Variants in SRFBP1 observed in about 807,000 individuals in gnomAD.
SRFBP1 encodes serum response factor-binding protein 1.
In SRFBP1, 47 loss-of-function variants were observed where a neutral mutation model predicts 45.5. The ratio of observed to expected loss-of-function variants is 1.03; its 90% CI spans 0.82 to 1.32. The LOEUF (loss-of-function observed/expected upper bound fraction) is 1.32, where lower values mean the gene tolerates loss of function less well. Ranked by LOEUF, SRFBP1 falls within the 40% of genes most tolerant of loss-of-function variation. The pLI, the probability that SRFBP1 is intolerant of heterozygous loss-of-function variation, is 0.00. For missense variants in SRFBP1, 621 were observed against 484.6 expected (o/e 1.28, Z -2.64); for synonymous variants, 203 against 166.3 (o/e 1.22, Z -1.70).
At chr5:121,989,875 A>AT (rs548313307) in intron 3 of SRFBP1, among the ~76,000 whole-genome samples, 87 of 152,044 alleles carry the variant, frequency 5.7e-4, no homozygotes, top group Middle Eastern at 3.4e-3. Context: ...CTCTTGGCTG[A>AT]TTTTTTTTCC....
chr5:122,020,300 G>T lies in SRFBP1; in HGVS notation c.565G>T (p.Ala189Ser). 6.2e-7 allele frequency: 1 copy of T among 1,611,910 alleles called. No individual in the cohort carries two copies. Among genetic ancestry groups the T allele is most frequent in the Non-Finnish European group, 8.5e-7 (1 of 1,179,462 alleles). ...AATACATAATTCAAAGGAAAAAATAGCAAAGATGGAACATGGACCTAAAGC... is the reference window on the plus strand; with the variant it reads ...AATACATAATTCAAAGGAAAAAATATCAAAGATGGAACATGGACCTAAAGC... ...KPIHNSKEKIAKMEHGPKAVT... is the reference protein window; with the variant it reads ...KPIHNSKEKISKMEHGPKAVT... Residue 189 changes from alanine to serine, a missense_variant, in exon 6 of 8, where the codon GCA becomes TCA. Coordinates refer to ENST00000339397, the MANE Select transcript of SRFBP1 (RefSeq NM_152546.3).
intron 3 of SRFBP1, among the ~76,000 whole-genome samples, chr5:121,990,268 G>A (rs1363659466): frequency 6.6e-6 from 1 of 152,180 alleles, no homozygotes; most frequent in Non-Finnish European, 1.5e-5. Context: ...CGTGTCATTT[G>A]CAGCAACATG....
chr5:122,052,374 A>G (rs1226832075), intron 2 of SRFBP1, among the ~76,000 whole-genome samples: 1 of 152,184 alleles, frequency 6.6e-6, no homozygotes, highest in Non-Finnish European at 1.5e-5. Context: ...CATCTCTTTC[A>G]GGGATGCCAG....
intron 4 of SRFBP1, among the ~76,000 whole-genome samples, chr5:122,004,965 C>T (rs28817365): frequency 0.018 from 2,798 of 152,000 alleles, 62 homozygotes; most frequent in Middle Eastern, 0.054. Context: ...TCAAAAATTC[C>T]TTCTGTTATT....
intron 3 of SRFBP1, among the ~76,000 whole-genome samples, chr5:121,976,304 G>T (rs1467777817): frequency 1.3e-5 from 2 of 151,656 alleles, no homozygotes; most frequent in Non-Finnish European, 2.9e-5. Context: ...CCTTCCCTCT[G>T]CTGCACACTA....
At chr5:122,000,041 TA>T (rs1752823620) in intron 4 of SRFBP1, among the ~76,000 whole-genome samples, 2 of 152,210 alleles carry the variant, frequency 1.3e-5, no homozygotes, top group South Asian at 4.1e-4. Context: ...GTCTGTGAGT[TA>T]AATGAGCATC....
intron 2 of SRFBP1, among the ~76,000 whole-genome samples, chr5:122,058,892 AT>A (rs1308053810): frequency 6.6e-6 from 1 of 152,154 alleles, no homozygotes; most frequent in Non-Finnish European, 1.5e-5. Context: ...AACTAAAATT[AT>A]TTCAGTGAAA....
At chr5:122,018,806 G>C (rs1334534227) in intron 4 of SRFBP1, among the ~76,000 whole-genome samples, 4 of 152,128 alleles carry the variant, frequency 2.6e-5, no homozygotes, top group Non-Finnish European at 4.4e-5. Context: ...GAAATATAGA[G>C]CGTTAGATAA....
intron 3 of SRFBP1, among the ~76,000 whole-genome samples, chr5:121,991,032 TG>T (rs1752611634): frequency 6.6e-6 from 1 of 152,152 alleles, no homozygotes. Flanking sequence ...CAATTTATAA[TG>T]AAGAGAGTTG....
At chr5:121,974,693 C>A (rs946330256) in intron 2 of SRFBP1, among the ~76,000 whole-genome samples, 1 of 151,792 alleles carries the variant, frequency 6.6e-6, no homozygotes, top group African/African-American at 2.4e-5. Context: ...AATTTGAAAT[C>A]TTCAGTACCT....
intron 1 of SRFBP1, among the ~76,000 whole-genome samples, chr5:121,964,636 C>G (rs962154754): frequency 6.6e-6 from 1 of 152,120 alleles, no homozygotes; most frequent in Non-Finnish European, 1.5e-5. Context: ...CTGTTGTAAA[C>G]AGTGCCACAA....
intron 2 of SRFBP1, among the ~76,000 whole-genome samples, chr5:122,039,548 G>T (rs1753740684): frequency 6.6e-6 from 1 of 152,124 alleles, no homozygotes; most frequent in South Asian, 2.1e-4. Flanking sequence ...ATGATTACAT[G>T]ATTTTCACCT....
rs1010224429 is a variant in SRFBP1, at chr5:121,976,459, G to A, written c.198+1072G>A. ...GTCTCTGTGGTTTGCAGATTATTTA[G>A]TTTTTTCATATACCTTTTTAAAATG... On this transcript the variant is annotated intron_variant, in intron 3 of 7. Transcript: ENST00000339397. Among the ~76,000 whole-genome samples the A allele has an allele frequency of 7.3e-5, 11 of 151,554 alleles. No homozygotes were observed. The South Asian group carries it at 1.7e-3, about 23-fold the overall frequency.
At chr5:122,037,616 A>T (rs1753713900) in intron 2 of SRFBP1, among the ~76,000 whole-genome samples, 1 of 151,892 alleles carries the variant, frequency 6.6e-6, no homozygotes. Context: ...GAATCCTCCT[A>T]AGTAGCCAAG....
intron 1 of SRFBP1, among the ~76,000 whole-genome samples, chr5:121,973,314 A>G (rs952456485): frequency 6.6e-6 from 1 of 151,828 alleles, no homozygotes; most frequent in African/African-American, 2.4e-5. Context: ...TGAAGAAGTC[A>G]TTGAAGGTAT....
chr5:122,007,005 T>C (rs1752989579), intron 4 of SRFBP1, among the ~76,000 whole-genome samples: 1 of 152,086 alleles, frequency 6.6e-6, no homozygotes, highest in African/African-American at 2.4e-5. Flanking sequence ...TTTTTGCATA[T>C]TTACAGAAGT....
At chr5:122,025,798 G>A (rs1277135307) in intron 7 of SRFBP1, among the ~76,000 whole-genome samples, 1 of 152,106 alleles carries the variant, frequency 6.6e-6, no homozygotes, top group Non-Finnish European at 1.5e-5. Context: ...TCTTAAAGAG[G>A]TCTTTAAAAG....
At chr5:122,032,147 A>T (rs114481864), downstream of SRFBP1, among the ~76,000 whole-genome samples, 762 of 152,358 alleles carry the variant, frequency 5.0e-3, 10 homozygotes, top group African/African-American at 0.017. Context: ...AAAGATATAT[A>T]TAAAGTTCCC....
At chr5:122,045,193 C>G (rs1201634380) in intron 2 of SRFBP1, among the ~76,000 whole-genome samples, 1 of 152,050 alleles carries the variant, frequency 6.6e-6, no homozygotes, top group Non-Finnish European at 1.5e-5. Flanking sequence ...TTTCCAGACT[C>G]TTTATTCTGT....
Sources: allele counts gnomAD v4.1 joint callset (sites outside exome capture counted in the v4.1 genomes callset), GRCh38; gene constraint gnomAD v4.1.1; transcripts MANE v1.5; gene names NCBI Gene and HGNC (gene_info 2026-07-23, HGNC 2026-07-21).